RGS3: variants seen among roughly 807,000 people sequenced by gnomAD.
RGS3 encodes the protein regulator of G protein signaling 3.
Under a neutral mutation model 132.6 loss-of-function variants are expected in RGS3, and 80 were observed. The observed-to-expected ratio is 0.60, with a 90% CI of 0.50 to 0.73. The LOEUF is 0.73. RGS3 is among the 30% of genes least tolerant of loss of function. The probability of loss-of-function intolerance (pLI) is 0.00; values close to 1 mark genes in which losing one functional copy is unlikely to be tolerated. For missense variants in RGS3, 1,382 were observed against 1,530.8 expected (o/e 0.90, Z 1.62); for synonymous variants, 598 against 620.6 (o/e 0.96, Z 0.54).
chr9:113,587,992 A>T (rs1478387960), intron 20 of RGS3, among the ~76,000 whole-genome samples: 1 of 152,212 alleles, frequency 6.6e-6, no homozygotes, highest in Non-Finnish European at 1.5e-5. Flanking sequence ...GCCCCGGAGA[A>T]TAATTGTGTT....
chr9:113,502,871 G>C (rs147467660), intron 10 of RGS3, among the ~76,000 whole-genome samples: 1 of 152,210 alleles, frequency 6.6e-6, no homozygotes, highest in Non-Finnish European at 1.5e-5. Context: ...GCAAGTCACT[G>C]TTCCTCTCTG....
At position 113,462,041 on chromosome 9, in the gene RGS3, C is replaced by G. The variant is rs755166606; in HGVS notation, c.255C>G (p.Leu85=). 3 of 1,613,884 alleles carry G rather than the reference C, an allele frequency of 1.9e-6. No homozygotes were observed. The South Asian group carries it at 3.3e-5, about 18-fold the overall frequency. Residue 85 remains leucine (L), a synonymous_variant, in exon 3 of 25, where the codon CTC becomes CTG. Transcript: ENST00000350696. ...TGCAGGTCTGCCACGTCTCTGTGCT[C>G]AGTGTCCTCTCTACATCCTGTGGCT...
At chr9:113,538,844 G>A (rs773573181) in intron 19 of RGS3, among the ~76,000 whole-genome samples, 2 of 152,190 alleles carry the variant, frequency 1.3e-5, no homozygotes, top group East Asian at 1.9e-4. Context: ...ATTACCTCCC[G>A]GGCCTAAGAA....
At chr9:113,461,362 T>G (rs113692353) in intron 1 of RGS3, among the ~76,000 whole-genome samples, 6,256 of 152,190 alleles carry the variant, frequency 0.041, 168 homozygotes, top group South Asian at 0.1. Flanking sequence ...GATGTTGCTT[T>G]TGGACAGCAG....
intron 19 of RGS3, among the ~76,000 whole-genome samples, chr9:113,552,999 C>G (rs1321476571): frequency 6.6e-6 from 1 of 152,094 alleles, no homozygotes; most frequent in African/African-American, 2.4e-5. Context: ...AATAAAACCC[C>G]CATTCCCCAA....
intron 3 of RGS3, chr9:113,479,066 T>C (rs1430291757): frequency 5.5e-6 from 1 of 182,686 alleles, no homozygotes; most frequent in Non-Finnish European, 1.2e-5. Flanking sequence ...TGAAGACTTT[T>C]AGGTGGAAGA....
chr9:113,542,473 A>C (rs1832942035), intron 19 of RGS3, among the ~76,000 whole-genome samples: 1 of 152,162 alleles, frequency 6.6e-6, no homozygotes, highest in Non-Finnish European at 1.5e-5. Context: ...GGGCTCGTTC[A>C]GTTCTCTAGG....
At chr9:113,596,693 T>G (rs1588312650) in intron 24 of RGS3, 75 bp from the exon 23 acceptor site, 1 of 1,326,934 alleles carries the variant, frequency 7.5e-7, no homozygotes, top group Non-Finnish European at 1.0e-6. Context: ...GCTGGATGGG[T>G]CCCTTCCAGG....
rs1564501350 is a variant in RGS3 at position 113,507,197 on chromosome 9, C to A, written c.1086-90C>A. 9.5e-7 allele frequency: 1 copy of A among 1,049,056 alleles called. No homozygotes were observed. The highest frequency in any genetic ancestry group is 2.5e-5 in the East Asian group (1 of 39,286). 65.0% of individuals were successfully genotyped at this position (1,049,056 alleles called of 1,614,324 possible). On this transcript the variant is annotated intron_variant, in intron 12 of 24. Coordinates refer to ENST00000350696, the Ensembl canonical transcript of RGS3. This position sits in a 1 kb window ranked among gnomAD's most constrained non-coding sequence, Gnocchi z 5.0. ...CCTCTGGTGTCTGCCTCCTCTTCCCCCATTATCCTCTCTGCCCTGTGGGCC... is the reference window on the plus strand; with the variant it reads ...CCTCTGGTGTCTGCCTCCTCTTCCCACATTATCCTCTCTGCCCTGTGGGCC...
intron 10 of RGS3, among the ~76,000 whole-genome samples, chr9:113,503,160 G>C (rs1032149066): frequency 1.3e-5 from 2 of 152,214 alleles, no homozygotes; most frequent in African/African-American, 4.8e-5. Flanking sequence ...CCACCCGCAG[G>C]AAGGACAGGC....
At chr9:113,580,767 T>C (rs1270561756) in intron 19 of RGS3, 46 of 982,788 alleles carry the variant, frequency 4.7e-5, no homozygotes, top group Non-Finnish European at 5.3e-5. Context: ...AGAACAGGGT[T>C]GGCAGAGGCA....
rs975273182 is a variant in RGS3 at position 113,496,509 on chromosome 9, T to C, written c.750+663T>C. On this transcript the variant is annotated intron_variant, in intron 8 of 24. Transcript: ENST00000350696. ...TCCTGGGGTGGGTGGCTGAGGACCC[T>C]TTATCCTGCATGTGAGTCCTAAAGA... is the stretch of plus-strand genomic sequence containing the variant. 3.3e-5 allele frequency among the ~76,000 whole-genome samples: 5 copies of C among 152,098 alleles called. No individual in the cohort carries two copies. In the South Asian group the frequency reaches 8.3e-4, roughly 25 times the overall value.
chr9:113,537,053 C>G lies in RGS3; in HGVS notation c.2037+135C>G. 1 of 764,638 alleles carries G rather than the reference C, an allele frequency of 1.3e-6. No individual in the cohort carries two copies. Among genetic ancestry groups the G allele is most frequent in the Non-Finnish European group, 2.1e-6 (1 of 478,070 alleles). The allele number at this position is 764,638 out of a possible 1,614,324, so 47.4% of individuals were successfully genotyped here. A position where few individuals can be genotyped will look rare whatever the true frequency, so the allele number is the denominator to read the frequency against. ...CTCTGGGCAATGAGCTCTTGGCAAG[C>G]GGGGACCTGTGCCCGAATGTCTCTC... On this transcript the variant is annotated intron_variant, in intron 19 of 24. Coordinates refer to ENST00000350696, the Ensembl canonical transcript of RGS3. This position sits in a 1 kb window ranked among gnomAD's most constrained non-coding sequence, Gnocchi z 4.3.
intron 7 of RGS3, among the ~76,000 whole-genome samples, chr9:113,491,268 T>C (rs1434548861): frequency 1.3e-5 from 2 of 150,302 alleles, no homozygotes; most frequent in South Asian, 2.1e-4. Flanking sequence ...TTTTTTAAAG[T>C]AATTTTTTTT....
intron 19 of RGS3, among the ~76,000 whole-genome samples, chr9:113,571,281 T>A (rs1441634450): frequency 6.6e-6 from 1 of 152,274 alleles, no homozygotes; most frequent in East Asian, 1.9e-4. Flanking sequence ...TTGCAATTGC[T>A]GAGTCATAGA....
intron 1 of RGS3, among the ~76,000 whole-genome samples, chr9:113,448,796 A>C (rs1364090581): frequency 6.6e-6 from 1 of 152,200 alleles, no homozygotes. Context: ...TGTACTTATA[A>C]TCCAGCAGTG....
At chr9:113,490,720 T>TAA in intron 7 of RGS3, among the ~76,000 whole-genome samples, 9 of 142,548 alleles carry the variant, frequency 6.3e-5, no homozygotes, top group South Asian at 2.1e-4. Context: ...TTGGTATATA[T>TAA]AATTATATAT....
chr9:113,487,720 G>A (rs1247097739), intron 7 of RGS3, among the ~76,000 whole-genome samples: 1 of 152,186 alleles, frequency 6.6e-6, no homozygotes, highest in Non-Finnish European at 1.5e-5. Context: ...TAAGTACAAA[G>A]TAGGGACTGG....
chr9:113,528,487 G>A (rs1180260152), intron 17 of RGS3, among the ~76,000 whole-genome samples: 1 of 152,216 alleles, frequency 6.6e-6, no homozygotes, highest in Admixed American at 6.5e-5. Context: ...GCTTTTCCCA[G>A]AAGCTGGGTG....
Sources: allele counts gnomAD v4.1 joint callset (sites outside exome capture counted in the v4.1 genomes callset), GRCh38; gene constraint gnomAD v4.1.1; non-coding constraint Gnocchi (gnomAD v3.1); transcripts MANE v1.5; gene names NCBI Gene and HGNC (gene_info 2026-07-23, HGNC 2026-07-21).